The following SGCD variants were observed in gnomAD, a reference collection of about 807,000 sequenced individuals.
The protein encoded by SGCD is sarcoglycan delta, also known as delta-sarcoglycan.
Under a neutral mutation model 36.6 loss-of-function variants are expected in SGCD, and 18 were observed. That is an observed-to-expected ratio of 0.49 (90% CI 0.34 to 0.73). SGCD has a LOEUF of 0.73. Ranked by LOEUF, SGCD falls within the 30% of genes least tolerant of loss-of-function variation. SGCD has a pLI of 0.01. For synonymous variants in SGCD, 133 were observed against 130.6 expected (o/e 1.02, Z -0.12); for missense variants, 387 against 346.7 (o/e 1.12, Z -0.92).
At chr5:156,685,876 T>C (rs952583546) in intron 7 of SGCD, among the ~76,000 whole-genome samples, 2 of 151,916 alleles carry the variant, frequency 1.3e-5, no homozygotes, top group African/African-American at 4.8e-5. Context: ...TGAAAACACA[T>C]AGACACAAAG....
chr5:156,419,922 G>A (rs1311348895), intron 3 of SGCD, among the ~76,000 whole-genome samples: 1 of 152,054 alleles, frequency 6.6e-6, no homozygotes, highest in East Asian at 1.9e-4. Flanking sequence ...ACAATGAGCT[G>A]CTTTTCTGTA....
chr5:156,111,155 T>C (rs553018843), intron 1 of SGCD, among the ~76,000 whole-genome samples: 1 of 152,194 alleles, frequency 6.6e-6, no homozygotes, highest in Non-Finnish European at 1.5e-5. Flanking sequence ...CCCTCAAATC[T>C]GTTTTCATAC....
At position 156,377,390 on chromosome 5, in the gene SGCD, G is replaced by A. The variant is rs182398785; in HGVS notation, c.192+32713G>A. On this transcript the variant is annotated intron_variant, in intron 3 of 8. Coordinates refer to ENST00000337851, the MANE Select transcript of SGCD (RefSeq NM_000337.6). Reference sequence around the variant, plus strand: ...CTCACTGCTTCTATCCTGCAGGCTAGCCTATTCAGTATTCTCACAACACAC... The same window carrying A: ...CTCACTGCTTCTATCCTGCAGGCTAACCTATTCAGTATTCTCACAACACAC... Among the ~76,000 whole-genome samples the A allele has an allele frequency of 2.2e-3, 329 of 152,286 alleles. 3 individuals carry two copies. The highest frequency in any genetic ancestry group is 3.5e-3 in the Non-Finnish European group (238 of 68,010).
At chr5:156,570,872 G>A (rs1010991071) in intron 4 of SGCD, among the ~76,000 whole-genome samples, 2 of 152,024 alleles carry the variant, frequency 1.3e-5, no homozygotes, top group African/African-American at 2.4e-5. Context: ...TGCCTAGGGT[G>A]TCTTTTGCCA....
At chr5:156,359,778 A>T (rs1769689402) in intron 3 of SGCD, among the ~76,000 whole-genome samples, 1 of 152,218 alleles carries the variant, frequency 6.6e-6, no homozygotes, top group African/African-American at 2.4e-5. Flanking sequence ...ATGAATACTT[A>T]TTCACAGCTG....
At chr5:156,463,792 C>G (rs1427031987) in intron 3 of SGCD, among the ~76,000 whole-genome samples, 1 of 152,010 alleles carries the variant, frequency 6.6e-6, no homozygotes, top group Admixed American at 6.6e-5. Context: ...CTCAGGAGTT[C>G]TAGACCAGCC....
At chr5:156,192,300 A>G (rs1763911124) in intron 3 of SGCD, among the ~76,000 whole-genome samples, 1 of 152,196 alleles carries the variant, frequency 6.6e-6, no homozygotes, top group South Asian at 2.1e-4. Context: ...GTATTCCAGT[A>G]TATATATACA....
intron 1 of SGCD, among the ~76,000 whole-genome samples, chr5:156,074,409 T>A (rs74938710): frequency 0.066 from 9,959 of 151,954 alleles, 1,033 homozygotes; most frequent in African/African-American, 0.22. Flanking sequence ...GAAAAAAAAA[T>A]TGCAAAATTA....
chr5:156,492,475 A>G lies in SGCD; in HGVS notation c.193-16126A>G, dbSNP rs1031010706. On this transcript the variant is annotated intron_variant, in intron 3 of 8. Coordinates refer to ENST00000337851, the MANE Select transcript of SGCD (RefSeq NM_000337.6). ...GATTCCAGTCTCAAGGCAGGAAAAAATCCTCCCCTACTCAAAGACAGTCAG... is the reference window on the plus strand; with the variant it reads ...GATTCCAGTCTCAAGGCAGGAAAAAGTCCTCCCCTACTCAAAGACAGTCAG... Among the ~76,000 whole-genome samples, 6 of 151,996 alleles carry G rather than the reference A, an allele frequency of 3.9e-5. No homozygotes were observed. In the East Asian group the frequency reaches 7.7e-4, roughly 20 times the overall value.
At chr5:156,417,864 A>G (rs1773126480) in intron 3 of SGCD, among the ~76,000 whole-genome samples, 1 of 152,198 alleles carries the variant, frequency 6.6e-6, no homozygotes, top group Non-Finnish European at 1.5e-5. Context: ...TCAGTTGCCA[A>G]GATCATAATA....
intron 1 of SGCD, among the ~76,000 whole-genome samples, chr5:155,881,905 A>G (rs1055220653): frequency 1.3e-5 from 2 of 152,174 alleles, no homozygotes; most frequent in African/African-American, 4.8e-5. Context: ...TTGAAGTTTT[A>G]TCATGAGACT....
At chr5:155,768,642 A>T in the SGCD span, among the ~76,000 whole-genome samples, 6 of 152,126 alleles carry the variant, frequency 3.9e-5, no homozygotes, top group African/African-American at 9.7e-5. Flanking sequence ...CCGGCTCCAG[A>T]ACCCCTCCTT....
intron 3 of SGCD, among the ~76,000 whole-genome samples, chr5:156,125,501 G>C (rs920093551): frequency 6.6e-6 from 1 of 151,968 alleles, no homozygotes; most frequent in Non-Finnish European, 1.5e-5. Context: ...TGTTCACATT[G>C]CTTGTAGAAC....
chr5:156,076,821 AT>A (rs1158097537), intron 1 of SGCD, among the ~76,000 whole-genome samples: 2 of 152,182 alleles, frequency 1.3e-5, no homozygotes, highest in African/African-American at 4.8e-5. Flanking sequence ...CCAAATGAAC[AT>A]TTGCTAGAGA....
chr5:156,766,392 G>GTCTT lies in SGCD; in HGVS notation c.*7004_*7007dup, dbSNP rs1757588219. 6.6e-6 allele frequency: 1 copy of GTCTT among 151,740 alleles called. No homozygotes were observed. Among genetic ancestry groups the GTCTT allele is most frequent in the Non-Finnish European group, 1.5e-5 (1 of 68,018 alleles). 9.4% of individuals were successfully genotyped at this position (151,740 alleles called of 1,614,324 possible). A position where few individuals can be genotyped will look rare whatever the true frequency, so the allele number is the denominator to read the frequency against. ...GAGCTGACCACTCTGGTCCTGTAAT[G>GTCTT]TCTTTGGCCTCACACCTTGGCAGCC... On this transcript the variant is annotated 3_prime_UTR_variant, in exon 9 of 9. Coordinates refer to ENST00000337851, the MANE Select transcript of SGCD (RefSeq NM_000337.6).
At chr5:155,814,704 T>A in the SGCD span, among the ~76,000 whole-genome samples, 1 of 152,192 alleles carries the variant, frequency 6.6e-6, no homozygotes, top group Non-Finnish European at 1.5e-5. Flanking sequence ...ATCAATACTT[T>A]AAACCCAGTA....
At chr5:156,459,798 A>G (rs566268808) in intron 3 of SGCD, among the ~76,000 whole-genome samples, 1 of 152,144 alleles carries the variant, frequency 6.6e-6, no homozygotes, top group Non-Finnish European at 1.5e-5. Context: ...GACAGCATGC[A>G]TTTACCTCCT....
chr5:156,454,218 C>T lies in SGCD; in HGVS notation c.193-54383C>T, dbSNP rs987899869. Among the ~76,000 whole-genome samples the T allele has an allele frequency of 3.3e-5, 5 of 152,094 alleles. No individual in the cohort carries two copies. The South Asian group carries it at 8.3e-4, about 25-fold the overall frequency. On this transcript the variant is annotated intron_variant, in intron 3 of 8. Transcript: ENST00000337851. ...AACTCCAAGATATTTTATTTAGGTC[C>T]ATTGTGTTACCAATCCAGTGGACAG...
chr5:155,886,031 A>G (rs563186340), intron 1 of SGCD, among the ~76,000 whole-genome samples: 2 of 152,332 alleles, frequency 1.3e-5, no homozygotes, highest in Admixed American at 6.5e-5. Flanking sequence ...TTATTTAGTG[A>G]GAAAATGCTT....
Sources: gnomAD v4.1 joint callset for allele counts (sites outside exome capture counted in the v4.1 genomes callset) on GRCh38, gnomAD v4.1.1 for gene constraint, MANE v1.5 for transcripts, NCBI Gene and HGNC (gene_info 2026-07-23, HGNC 2026-07-21) for gene names.